The following MINDY2 variants were observed in gnomAD, a reference collection of about 807,000 sequenced individuals.
MINDY2 encodes MINDY lysine 48 deubiquitinase 2.
A neutral mutation model predicts 68.2 loss-of-function variants in MINDY2; 52 were observed. The observed-to-expected ratio is 0.76, with a 90% CI of 0.61 to 0.96. The LOEUF is 0.96. Among genes scored for constraint, MINDY2 ranks in the 40% least tolerant of loss-of-function variants. MINDY2 has a pLI of 0.00. For synonymous variants in MINDY2, 372 were observed against 303.0 expected (o/e 1.23, Z -2.36); for missense variants, 881 against 773.4 (o/e 1.14, Z -1.65).
chr15:58,813,735 G>C (rs772354083), intron 4 of MINDY2, among the ~76,000 whole-genome samples: 4 of 145,772 alleles, frequency 2.7e-5, no homozygotes, highest in Non-Finnish European at 6.0e-5. Context: ...ATTATGCCCC[G>C]TTAACTTGTG....
At chr15:58,797,688 G>T (rs1264333989) in intron 2 of MINDY2, among the ~76,000 whole-genome samples, 1 of 152,108 alleles carries the variant, frequency 6.6e-6, no homozygotes, top group East Asian at 1.9e-4. Context: ...TCTACTTTCT[G>T]TGCTATAACA....
chr15:58,790,979 A>C (rs1901847254), intron 2 of MINDY2, among the ~76,000 whole-genome samples: 2 of 151,832 alleles, frequency 1.3e-5, no homozygotes, highest in African/African-American at 2.4e-5. Context: ...GGAGATCGAG[A>C]CCATACTGGC....
intron 3 of MINDY2, 51 bp downstream of exon 3, chr15:58,802,428 C>T (rs1164613785): frequency 8.2e-7 from 1 of 1,216,280 alleles, no homozygotes; most frequent in Non-Finnish European, 1.1e-6. Flanking sequence ...TAAATATATA[C>T]ATTGGTTTCT....
intron 1 of MINDY2, among the ~76,000 whole-genome samples, chr15:58,779,591 ATCTTAG>A (rs1317447050): frequency 6.6e-6 from 1 of 152,258 alleles, no homozygotes; most frequent in Non-Finnish European, 1.5e-5. Flanking sequence ...CAAAGGTTCC[ATCTTAG>A]CCTCTGCCCA....
intron 1 of MINDY2, among the ~76,000 whole-genome samples, chr15:58,773,776 G>A (rs551758871): frequency 6.6e-6 from 1 of 152,190 alleles, no homozygotes; most frequent in South Asian, 2.1e-4. Context: ...GAATAACAGG[G>A]AAATGGAATT....
intron 1 of MINDY2, among the ~76,000 whole-genome samples, chr15:58,782,792 C>G (rs1306135951): frequency 1.3e-5 from 2 of 151,544 alleles, no homozygotes; most frequent in African/African-American, 4.9e-5. Context: ...TTTTTAAAGC[C>G]TTAGTTTATT....
chr15:58,807,741 A>T (rs1256851921), intron 3 of MINDY2, among the ~76,000 whole-genome samples: 3 of 152,140 alleles, frequency 2.0e-5, no homozygotes, highest in African/African-American at 7.2e-5. Flanking sequence ...CCTTAATCTG[A>T]CAAACAAGTC....
rs1339484984 is a variant in MINDY2 at position 58,861,734 on chromosome 15, A to G, written c.*7124A>G. On this transcript the variant is annotated 3_prime_UTR_variant, in exon 9 of 9. Transcript: ENST00000559228. ...ACAGAATTATTCAGTATTATTCAAC[A>G]TTTACTTTCATGTTTGTTATTGTAC... 1 of 152,204 alleles carries G rather than the reference A, an allele frequency of 6.6e-6. No individual in the cohort carries two copies. Among genetic ancestry groups the G allele is most frequent in the African/African-American group, 2.4e-5 (1 of 41,448 alleles). 9.4% of individuals were successfully genotyped at this position (152,204 alleles called of 1,614,324 possible).
rs367548869 is a variant in MINDY2 at position 58,787,857 on chromosome 15, T to C, written c.841-49T>C. On this transcript the variant is annotated intron_variant, in intron 1 of 8. Coordinates refer to ENST00000559228, the MANE Select transcript of MINDY2 (RefSeq NM_001040450.3). The stretch of plus-strand genomic sequence containing the variant: ...GTGTTTCTGACTGCAAGAAATACTT[T>C]AGTCACCTAAAACATTTAATTTTAT... The C allele has an allele frequency of 1.7e-4, 210 of 1,272,208 alleles. No individual in the cohort carries two copies. The African/African-American group carries it at 2.3e-3, about 14-fold the overall frequency. The allele number at this position is 1,272,208 out of a possible 1,614,324, so 78.8% of individuals were successfully genotyped here. A position where few individuals can be genotyped will look rare whatever the true frequency, so the allele number is the denominator to read the frequency against.
At chr15:58,821,843 G>T in intron 5 of MINDY2, 24 bp downstream of exon 5, 2 of 1,484,778 alleles carry the variant, frequency 1.3e-6, no homozygotes, top group African/African-American at 1.4e-5. Context: ...GCTATTTCCT[G>T]ACTTTTGAAA....
intron 3 of MINDY2, among the ~76,000 whole-genome samples, chr15:58,807,987 CCTT>C (rs1204483855): frequency 5.9e-5 from 9 of 151,976 alleles, no homozygotes; most frequent in African/African-American, 2.2e-4. Flanking sequence ...ACCTCCCTCT[CCTT>C]CTTTCCTCTC....
chr15:58,797,360 T>G (rs1043501852), intron 2 of MINDY2, among the ~76,000 whole-genome samples: 2 of 151,984 alleles, frequency 1.3e-5, no homozygotes, highest in Admixed American at 6.6e-5. Flanking sequence ...TTTAAAAAAT[T>G]AGCCATGTGT....
chr15:58,806,903 A>G (rs1251863159), intron 3 of MINDY2, among the ~76,000 whole-genome samples: 1 of 152,226 alleles, frequency 6.6e-6, no homozygotes, highest in Non-Finnish European at 1.5e-5. Flanking sequence ...GAACAGTAGA[A>G]GAGATGAAAC....
chr15:58,771,607 G>A lies in MINDY2; in HGVS notation c.212G>A (p.Gly71Asp). 1 of 1,612,004 alleles carries A rather than the reference G, an allele frequency of 6.2e-7. No individual in the cohort carries two copies. The highest frequency in any genetic ancestry group is 8.5e-7 in the Non-Finnish European group (1 of 1,179,788). ...RSLPDSASPA[G>D]SPEVPGPCSS... The stretch of plus-strand genomic sequence containing the variant: ...CTCCCGGACTCGGCTTCTCCCGCGG[G>A]CTCTCCTGAGGTTCCCGGACCCTGC... Residue 71 changes from glycine (G) to aspartate (D), a missense_variant, in exon 1 of 9, where the codon GGC becomes GAC. By Grantham distance (94) the Gly-to-Asp change is moderately conservative. Coordinates refer to ENST00000559228, the MANE Select transcript of MINDY2 (RefSeq NM_001040450.3).
At chr15:58,790,922 G>T (rs557622419) in intron 2 of MINDY2, among the ~76,000 whole-genome samples, 2 of 152,140 alleles carry the variant, frequency 1.3e-5, no homozygotes, top group African/African-American at 2.4e-5. Flanking sequence ...GCTCACGCCT[G>T]TAATCTCAGC....
chr15:58,771,502 C>T lies in MINDY2; in HGVS notation c.107C>T (p.Ala36Val), dbSNP rs1402326321. The T allele has an allele frequency of 6.2e-7, 1 of 1,612,248 alleles. No individual in the cohort carries two copies. The highest frequency in any genetic ancestry group is 2.2e-5 in the East Asian group (1 of 44,862). ...GAAGGGCTACAGGAGACCAGGCTCG[C>T]CGCTGGTGATGGTCCTGGGGTATGG... is the stretch of plus-strand genomic sequence containing the variant. ...SQEGLQETRLAAGDGPGVWAA... is the reference protein window; with the variant it reads ...SQEGLQETRLVAGDGPGVWAA... The change falls in exon 1 of 9, where the codon GCC becomes GTC. Residue 36 changes from alanine to valine, a missense_variant. By Grantham distance (64) the Ala-to-Val change is moderately conservative. Coordinates refer to ENST00000559228, the MANE Select transcript of MINDY2 (RefSeq NM_001040450.3).
intron 3 of MINDY2, among the ~76,000 whole-genome samples, chr15:58,808,901 G>A (rs1434758251): frequency 6.6e-6 from 1 of 152,200 alleles, no homozygotes; most frequent in Non-Finnish European, 1.5e-5. Context: ...ACCGTGCCCA[G>A]CCACTTTTTC....
chr15:58,831,041 G>GTGTGTGTATATATATATATATA (rs565786025), intron 5 of MINDY2, among the ~76,000 whole-genome samples: 63 of 124,910 alleles, frequency 5.0e-4, no homozygotes, highest in East Asian at 1.6e-3. Flanking sequence ...GTGTGTGTGT[G>GTGTGTGTATATATATATATATA]TATATATATA....
chr15:58,825,855 C>T (rs2031360959), intron 5 of MINDY2, among the ~76,000 whole-genome samples: 1 of 152,140 alleles, frequency 6.6e-6, no homozygotes, highest in African/African-American at 2.4e-5. Context: ...ATCCTCCCAC[C>T]TCAGCCTCCC....
Sources: gnomAD v4.1 joint callset for allele counts (sites outside exome capture counted in the v4.1 genomes callset) on GRCh38, gnomAD v4.1.1 for gene constraint, MANE v1.5 for transcripts, NCBI Gene and HGNC (gene_info 2026-07-23, HGNC 2026-07-21) for gene names.